The following B3GALT1 variants were observed in gnomAD, a reference collection of about 807,000 sequenced individuals.
B3GALT1 encodes the protein UDP-Gal:betaGlcNAc beta 1,3-galactosyltransferase, polypeptide 1.
Under a neutral mutation model 23.2 loss-of-function variants are expected in B3GALT1, and 10 were observed. The ratio of observed to expected loss-of-function variants is 0.43; its 90% CI spans 0.27 to 0.73. The LOEUF is 0.73. Ranked by LOEUF, B3GALT1 falls within the 30% of genes least tolerant of loss-of-function variation. The probability of loss-of-function intolerance (pLI) is 0.21; values close to 1 mark genes in which losing one functional copy is unlikely to be tolerated. For synonymous variants in B3GALT1, 156 were observed against 141.5 expected, an observed-to-expected ratio of 1.10 and a Z score of -0.73; for missense variants, 299 against 405.4, an observed-to-expected ratio of 0.74 and a Z score of 2.25.
Position 167,771,144 on chromosome 2 carries a change from G to A in B3GALT1, c.-351-47528G>A, listed in dbSNP as rs114549886. ...GGGCTGGGTTTCATGACTTTAAACT[G>A]TGGACTAATAATGTATTTTGTGATT... On this transcript the variant is annotated intron_variant, in intron 3 of 4. Transcript: ENST00000392690. Among the ~76,000 whole-genome samples the A allele has an allele frequency of 6.1e-3, 925 of 152,284 alleles. 7 individuals are homozygous for A. The highest frequency in any genetic ancestry group is 0.021 in the African/African-American group (875 of 41,550).
intron 1 of B3GALT1, among the ~76,000 whole-genome samples, chr2:167,303,185 C>A (rs549498219): frequency 1.5e-4 from 23 of 152,220 alleles, no homozygotes; most frequent in East Asian, 3.9e-4. Flanking sequence ...CAGCTGGTTT[C>A]TTTTCAGAAC....
At chr2:167,362,879 G>T (rs1387304583) in intron 1 of B3GALT1, among the ~76,000 whole-genome samples, 2 of 151,920 alleles carry the variant, frequency 1.3e-5, no homozygotes, top group Non-Finnish European at 2.9e-5. Flanking sequence ...TTTTTGAGAC[G>T]GAGTCTCGCC....
intron 1 of B3GALT1, among the ~76,000 whole-genome samples, chr2:167,470,924 A>C (rs1699411792): frequency 1.3e-5 from 2 of 152,212 alleles, no homozygotes; most frequent in Admixed American, 1.3e-4. Flanking sequence ...CTGCTGCTCT[A>C]AGGATTCCTT....
chr2:167,816,741 T>G (rs1446488994), intron 3 of B3GALT1, among the ~76,000 whole-genome samples: 1 of 152,250 alleles, frequency 6.6e-6, no homozygotes, highest in Non-Finnish European at 1.5e-5. Context: ...ATTTTTCCAA[T>G]GTCAACATTC....
intron 1 of B3GALT1, among the ~76,000 whole-genome samples, chr2:167,419,099 G>A (rs1284397792): frequency 3.3e-5 from 5 of 152,144 alleles, no homozygotes; most frequent in African/African-American, 1.2e-4. Flanking sequence ...TTTAGGAATA[G>A]TACATTGAAA....
intron 1 of B3GALT1, among the ~76,000 whole-genome samples, chr2:167,439,878 T>C (rs1004180546): frequency 6.6e-5 from 10 of 152,120 alleles, no homozygotes; most frequent in African/African-American, 2.4e-4. Context: ...ATTTTTCCAT[T>C]ATCCCTCTTT....
intron 1 of B3GALT1, among the ~76,000 whole-genome samples, chr2:167,319,473 G>T (rs1696771120): frequency 6.6e-6 from 1 of 151,912 alleles, no homozygotes. Flanking sequence ...AACACAGAAA[G>T]AATAATAAAA....
intron 4 of B3GALT1, among the ~76,000 whole-genome samples, chr2:167,854,798 G>A (rs1000379518): frequency 3.9e-5 from 6 of 152,166 alleles, no homozygotes; most frequent in African/African-American, 1.4e-4. Flanking sequence ...TGCCAAATCG[G>A]CCATGAGTGG....
chr2:167,604,541 C>T (rs982573208), intron 2 of B3GALT1, among the ~76,000 whole-genome samples: 8 of 152,072 alleles, frequency 5.3e-5, no homozygotes, highest in South Asian at 2.1e-4. Context: ...CCTGCAATAC[C>T]GTATCTAGTA....
chr2:167,368,571 T>G (rs1697627588), intron 1 of B3GALT1, among the ~76,000 whole-genome samples: 1 of 152,192 alleles, frequency 6.6e-6, no homozygotes, highest in African/African-American at 2.4e-5. Context: ...GCATTTGCTG[T>G]ACATGATTCA....
At chr2:167,419,723 C>A (rs1698520252) in intron 1 of B3GALT1, among the ~76,000 whole-genome samples, 1 of 152,190 alleles carries the variant, frequency 6.6e-6, no homozygotes, top group Non-Finnish European at 1.5e-5. Flanking sequence ...CTCTCTGCAA[C>A]TCTGAAAATG....
At position 167,373,597 on chromosome 2, in the gene B3GALT1, G is replaced by C. The variant is rs182805912; in HGVS notation, c.-511+80263G>C. On this transcript the variant is annotated intron_variant, in intron 1 of 4. Transcript: ENST00000392690. ...ACTTGAACACACACTCTTATGAAAA[G>C]AGGAGCTTAATATCATGATTATGGT... Among the ~76,000 whole-genome samples, 53 of 152,278 alleles carry C rather than the reference G, an allele frequency of 3.5e-4. No homozygotes were observed. The East Asian group carries it at 7.2e-3, about 21-fold the overall frequency.
chr2:167,688,365 T>C (rs1291238237), intron 3 of B3GALT1, among the ~76,000 whole-genome samples: 2 of 151,990 alleles, frequency 1.3e-5, no homozygotes, highest in Non-Finnish European at 1.5e-5. Flanking sequence ...GCAGCTGTCA[T>C]AAAAATGCTT....
At chr2:167,713,966 C>A (rs1263156066) in intron 3 of B3GALT1, 1 of 1,558,744 alleles carries the variant, frequency 6.4e-7, no homozygotes, top group East Asian at 2.2e-5. Flanking sequence ...AAACAATGGA[C>A]CACTGATTGC....
chr2:167,295,220 G>T (rs1409931841), intron 1 of B3GALT1, among the ~76,000 whole-genome samples: 1 of 152,088 alleles, frequency 6.6e-6, no homozygotes, highest in Admixed American at 6.5e-5. Flanking sequence ...TACTGCATTT[G>T]GACTAGTAAA....
intron 2 of B3GALT1, among the ~76,000 whole-genome samples, chr2:167,507,606 C>G (rs1279333804): frequency 6.8e-6 from 1 of 147,396 alleles, no homozygotes; most frequent in East Asian, 2.0e-4. Flanking sequence ...CTTAATGGAT[C>G]AAATGTTTAT....
At chr2:167,500,436 T>A (rs865792653) in intron 2 of B3GALT1, among the ~76,000 whole-genome samples, 3 of 152,092 alleles carry the variant, frequency 2.0e-5, no homozygotes, top group South Asian at 4.1e-4. Flanking sequence ...AAAAAAATTG[T>A]GTGGGGGTGT....
At position 167,668,159 on chromosome 2, in the gene B3GALT1, T is replaced by A. The variant is rs534355451; in HGVS notation, c.-352+21193T>A. Among the ~76,000 whole-genome samples, 3 of 152,238 alleles carry A rather than the reference T, an allele frequency of 2.0e-5. No individual in the cohort carries two copies. The East Asian group carries it at 5.8e-4, about 29-fold the overall frequency. On this transcript the variant is annotated intron_variant, in intron 3 of 4. Coordinates refer to ENST00000392690, the MANE Select transcript of B3GALT1 (RefSeq NM_020981.4). Reference sequence around the variant, plus strand: ...TGTCCTTTCTGTTTGTTAGTTTTCCTTCTAACAGACAGCAGGACCCTCAGC... The same window carrying A: ...TGTCCTTTCTGTTTGTTAGTTTTCCATCTAACAGACAGCAGGACCCTCAGC...
intron 2 of B3GALT1, among the ~76,000 whole-genome samples, chr2:167,594,324 A>G (rs530490934): frequency 6.6e-6 from 1 of 152,300 alleles, no homozygotes; most frequent in South Asian, 2.1e-4. Context: ...AATATATTGT[A>G]TACTTCTATA....
Sources: allele counts gnomAD v4.1 joint callset (sites outside exome capture counted in the v4.1 genomes callset), GRCh38; gene constraint gnomAD v4.1.1; transcripts MANE v1.5; gene names NCBI Gene and HGNC (gene_info 2026-07-23, HGNC 2026-07-21).